Variants in ACTN4 observed in about 807,000 individuals in gnomAD.
ACTN4 encodes the protein alpha-actinin-4.
Under a neutral mutation model 114.2 loss-of-function variants are expected in ACTN4, and 18 were observed. The observed-to-expected ratio is 0.16, with a 90% CI of 0.11 to 0.23. The LOEUF (loss-of-function observed/expected upper bound fraction) is 0.23, where lower values mean the gene tolerates loss of function less well. Ranked by LOEUF, ACTN4 falls within the 10% of genes least tolerant of loss-of-function variation. The probability of loss-of-function intolerance (pLI) is 1.00; values close to 1 mark genes in which losing one functional copy is unlikely to be tolerated. For synonymous variants in ACTN4, 515 were observed against 506.3 expected (o/e 1.02, Z -0.23); for missense variants, 722 against 1,262.9 (o/e 0.57, Z 6.49).
intron 1 of ACTN4, among the ~76,000 whole-genome samples, chr19:38,685,522 A>C (rs983454014): frequency 3.3e-5 from 5 of 152,114 alleles, no homozygotes; most frequent in Non-Finnish European, 5.9e-5. Flanking sequence ...GCTGGTGAGC[A>C]CCCAACCTCT....
Position 38,701,029 on chromosome 19 carries a change from G to A in ACTN4, c.305G>A (p.Gly102Glu). 1 of 1,614,070 alleles carries A rather than the reference G, an allele frequency of 6.2e-7. No homozygotes were observed. Among genetic ancestry groups the A allele is most frequent in the Non-Finnish European group, 8.5e-7 (1 of 1,180,040 alleles). The change falls in exon 3 of 21, where the codon GGG becomes GAG. Residue 102 changes from glycine to glutamate, a missense_variant. Transcript: ENST00000252699. ...GAGCGGTTACCTAAGCCGGAGCGGGGGAAGATGAGAGTGCACAAAATCAAC... is the reference window on the plus strand; with the variant it reads ...GAGCGGTTACCTAAGCCGGAGCGGGAGAAGATGAGAGTGCACAAAATCAAC... ...SGERLPKPER[G>E]KMRVHKINNV...
intron 17 of ACTN4, 24 bp from the exon 18 acceptor site, chr19:38,726,933 G>C: frequency 2.5e-6 from 4 of 1,613,202 alleles, no homozygotes; most frequent in Middle Eastern, 3.6e-4. Flanking sequence ...CCCGGCCCAC[G>C]ATCACGCCCC....
At chr19:38,672,617 A>G (rs1269703850) in intron 1 of ACTN4, among the ~76,000 whole-genome samples, 1 of 151,800 alleles carries the variant, frequency 6.6e-6, no homozygotes, top group Non-Finnish European at 1.5e-5. Context: ...CTTGTTGCCC[A>G]GGCTGGAGTG....
Position 38,725,902 on chromosome 19 carries a change from A to G in ACTN4, c.2189A>G (p.Glu730Gly). Residue 730 changes from glutamate to glycine, a missense_variant and splice_region_variant, in exon 17 of 21, where the codon GAG (glutamate) becomes GGG (glycine). By Grantham distance (98) the Glu-to-Gly change is moderately conservative. This residue lies in a region of ACTN4 where 523 missense variants were observed against 875.9 expected (regional missense o/e 0.60). Transcript: ENST00000252699. ...FDNKHTNYTM[E>G]HIRVGWEQLL... The stretch of plus-strand genomic sequence containing the variant: ...AACAAGCACACCAACTATACCATGG[A>G]GGTGCGCGGCTGCCCCGCCCGCTGG... The G allele has an allele frequency of 6.2e-7, 1 of 1,613,784 alleles. No individual in the cohort carries two copies. The highest frequency in any genetic ancestry group is 8.5e-7 in the Non-Finnish European group (1 of 1,180,034).
intron 12 of ACTN4, among the ~76,000 whole-genome samples, chr19:38,723,202 C>T (rs1969106530): frequency 6.6e-6 from 1 of 152,188 alleles, no homozygotes; most frequent in Non-Finnish European, 1.5e-5. Context: ...CAGCCTCAGC[C>T]CCTGTCCGCT....
chr19:38,722,762 T>A (rs549430539), intron 12 of ACTN4, among the ~76,000 whole-genome samples: 1 of 152,318 alleles, frequency 6.6e-6, no homozygotes, highest in East Asian at 1.9e-4. Flanking sequence ...CCCTGGAAGC[T>A]GGTAGGAAAC....
At chr19:38,704,898 C>A (rs370039449) in intron 3 of ACTN4, 36 bp from the exon 4 acceptor site, 2 of 1,600,028 alleles carry the variant, frequency 1.2e-6, no homozygotes, top group Admixed American at 1.7e-5. Flanking sequence ...CTGGTTTTAA[C>A]GACCTTCTGC....
Position 38,725,891 on chromosome 19 carries a change from C to G in ACTN4, c.2178C>G (p.Asn726Lys). The change falls in exon 17 of 21, where the codon AAC (asparagine) becomes AAG (lysine). Residue 726 changes from asparagine to lysine, a missense_variant. This residue lies in a region of ACTN4 where 523 missense variants were observed against 875.9 expected (regional missense o/e 0.60). Transcript: ENST00000252699. The stretch of plus-strand genomic sequence containing the variant: ...TCATCTTCGACAACAAGCACACCAA[C>G]TATACCATGGAGGTGCGCGGCTGCC... ...EALIFDNKHT[N>K]YTMEHIRVGW... The G allele has an allele frequency of 2.5e-6, 4 of 1,614,102 alleles. No homozygotes were observed. The highest frequency in any genetic ancestry group is 3.4e-6 in the Non-Finnish European group (4 of 1,180,048).
Position 38,717,810 on chromosome 19 carries a change from GAC to G in ACTN4, c.1144-113_1144-112del. The stretch of plus-strand genomic sequence containing the variant: ...GCATCCAGGTATAATAGCAAAGCAT[GAC>G]ACAGACATGACCCCAGCCAAGTTCT... On this transcript the variant is annotated intron_variant, in intron 10 of 20. Transcript: ENST00000252699. This position sits in a 1 kb window ranked among gnomAD's most constrained non-coding sequence, Gnocchi z 4.0. 1 of 1,379,436 alleles carries G rather than the reference GAC, an allele frequency of 7.2e-7. No individual in the cohort carries two copies. Among genetic ancestry groups the G allele is most frequent in the Non-Finnish European group, 1.0e-6 (1 of 998,882 alleles). The allele number at this position is 1,379,436 out of a possible 1,614,324, so 85.4% of individuals were successfully genotyped here.
intron 1 of ACTN4, among the ~76,000 whole-genome samples, chr19:38,663,496 T>C (rs1237796491): frequency 1.3e-5 from 2 of 152,072 alleles, no homozygotes; most frequent in East Asian, 3.8e-4. Flanking sequence ...ACTCTAGCTG[T>C]GTCCCGGGAG....
Position 38,726,892 on chromosome 19 carries a change from G to A in ACTN4, c.2191-65G>A, listed in dbSNP as rs533725137. The A allele has an allele frequency of 1.6e-4, 263 of 1,607,354 alleles. 1 individual carries two copies. Among genetic ancestry groups the A allele is most frequent in the South Asian group, 2.1e-4 (19 of 90,526 alleles). On this transcript the variant is annotated intron_variant, in intron 17 of 20. Coordinates refer to ENST00000252699, the MANE Select transcript of ACTN4 (RefSeq NM_004924.6). ...GGGAGGACAGTTCACAGTCCTCCACGTGTGAACCACGGTGAGGACAGTTCA... is the reference window on the plus strand; with the variant it reads ...GGGAGGACAGTTCACAGTCCTCCACATGTGAACCACGGTGAGGACAGTTCA...
intron 1 of ACTN4, among the ~76,000 whole-genome samples, chr19:38,687,192 G>A (rs1025648623): frequency 1.3e-5 from 2 of 151,928 alleles, no homozygotes. Flanking sequence ...GGCTGGTCTT[G>A]AACTCCTGAC....
chr19:38,714,433 G>T, intron 8 of ACTN4, 36 bp from the exon 9 acceptor site: 1 of 1,606,336 alleles, frequency 6.2e-7, no homozygotes, highest in Admixed American at 1.7e-5. Flanking sequence ...AGGGTGGCCA[G>T]CCCCCAGGCA....
At chr19:38,703,032 C>T (rs1968335247) in intron 3 of ACTN4, among the ~76,000 whole-genome samples, 1 of 152,152 alleles carries the variant, frequency 6.6e-6, no homozygotes, top group African/African-American at 2.4e-5. Context: ...GCCACTCCAT[C>T]ATGCCCCTTG....
At chr19:38,673,598 C>CATATATATTT (rs1967240614) in intron 1 of ACTN4, among the ~76,000 whole-genome samples, 2 of 50,060 alleles carry the variant, frequency 4.0e-5, no homozygotes, top group East Asian at 5.1e-4. Flanking sequence ...TATATATATT[C>CATATATATTT]ATATATATTC....
intron 1 of ACTN4, among the ~76,000 whole-genome samples, chr19:38,658,420 C>CT (rs916027047): frequency 4.0e-5 from 6 of 151,716 alleles, no homozygotes; most frequent in Non-Finnish European, 7.4e-5. Context: ...GCACAAGTAA[C>CT]TTTTTTTTTA....
Position 38,704,980 on chromosome 19 carries a change from C to T in ACTN4, c.444C>T (p.Thr148=), listed in dbSNP as rs1167358375. ...NAKMTLGMIW[T]IILRFAIQDI... Reference sequence around the variant, plus strand: ...AGATGACCCTGGGAATGATCTGGACCATCATCCTTAGGTTCGCCATCCAGG... The same window carrying T: ...AGATGACCCTGGGAATGATCTGGACTATCATCCTTAGGTTCGCCATCCAGG... The change falls in exon 4 of 21, where the codon ACC becomes ACT. Residue 148 remains threonine (T), a synonymous_variant. Transcript: ENST00000252699. The T allele has an allele frequency of 6.2e-7, 1 of 1,614,216 alleles. No homozygotes were observed.
chr19:38,666,558 C>A (rs1004324669), intron 1 of ACTN4, among the ~76,000 whole-genome samples: 1 of 152,210 alleles, frequency 6.6e-6, no homozygotes, highest in Non-Finnish European at 1.5e-5. Flanking sequence ...CAGGAGAACA[C>A]GAAGTACACA....
intron 3 of ACTN4, among the ~76,000 whole-genome samples, chr19:38,703,202 G>A (rs909974444): frequency 6.6e-6 from 1 of 151,170 alleles, no homozygotes; most frequent in South Asian, 2.1e-4. Context: ...TGAAGAAGGT[G>A]TGGTCCAAGC....
Sources: allele counts gnomAD v4.1 joint callset (sites outside exome capture counted in the v4.1 genomes callset), GRCh38; gene constraint gnomAD v4.1.1; regional missense constraint gnomAD v4.1.1; non-coding constraint Gnocchi (gnomAD v3.1); transcripts MANE v1.5; gene names NCBI Gene and HGNC (gene_info 2026-07-23, HGNC 2026-07-21).